The following APBA1 variants were observed in gnomAD, a reference collection of about 807,000 sequenced individuals.
The protein encoded by APBA1 is amyloid beta precursor protein binding family A member 1.
APBA1 carries 55 observed loss-of-function variants against 86.6 expected under a neutral mutation model. The ratio of observed to expected loss-of-function variants is 0.64; its 90% CI spans 0.51 to 0.80. APBA1 has a LOEUF of 0.80. APBA1 is among the 30% of genes least tolerant of loss of function. The pLI is 0.00. For synonymous variants in APBA1, 511 were observed against 493.9 expected (o/e 1.03, Z -0.46); for missense variants, 1,090 against 1,183.0 (o/e 0.92, Z 1.15).
intron 1 of APBA1, among the ~76,000 whole-genome samples, chr9:69,614,336 G>C (rs1822653271): frequency 6.6e-6 from 1 of 152,132 alleles, no homozygotes; most frequent in South Asian, 2.1e-4. Flanking sequence ...TCATCTTGTG[G>C]AGATATTAAA....
chr9:69,663,658 T>A (rs148749823), intron 1 of APBA1, among the ~76,000 whole-genome samples: 102 of 152,318 alleles, frequency 6.7e-4, no homozygotes, highest in African/African-American at 2.0e-3. Flanking sequence ...GCCAATTAAT[T>A]CCATTAGGAA....
chr9:69,476,283 G>A, intron 2 of APBA1, 140 bp from the exon 3 acceptor site: 1 of 598,272 alleles, frequency 1.7e-6, no homozygotes, highest in East Asian at 2.8e-5. Flanking sequence ...CTCTTAAAAA[G>A]GAGCTGCCAA....
At chr9:69,648,735 C>T (rs909224560) in intron 1 of APBA1, among the ~76,000 whole-genome samples, 1 of 152,130 alleles carries the variant, frequency 6.6e-6, no homozygotes, top group African/African-American at 2.4e-5. Flanking sequence ...ATCCATGCCA[C>T]CTTTTTTAAG....
At chr9:69,455,718 C>A (rs1835084384) in intron 8 of APBA1, among the ~76,000 whole-genome samples, 1 of 152,126 alleles carries the variant, frequency 6.6e-6, no homozygotes. Context: ...CCCAAAATGC[C>A]CTCATGCTTG....
chr9:69,503,048 G>A (rs891920452), intron 2 of APBA1, among the ~76,000 whole-genome samples: 2 of 152,056 alleles, frequency 1.3e-5, no homozygotes, highest in Admixed American at 6.5e-5. Flanking sequence ...CACAAACACC[G>A]CAGGAAATTA....
At chr9:69,461,467 C>T (rs552560556) in intron 5 of APBA1, 1 of 152,292 alleles carries the variant, frequency 6.6e-6, no homozygotes, top group Admixed American at 6.5e-5. Flanking sequence ...TTACTGAGAA[C>T]TTGCTATGTG....
At chr9:69,509,215 C>G (rs1835988933) in intron 2 of APBA1, among the ~76,000 whole-genome samples, 1 of 151,896 alleles carries the variant, frequency 6.6e-6, no homozygotes, top group African/African-American at 2.4e-5. Context: ...CAAATAGACA[C>G]AATAAAAAAT....
At chr9:69,541,152 T>G (rs1836602837) in intron 1 of APBA1, among the ~76,000 whole-genome samples, 1 of 152,216 alleles carries the variant, frequency 6.6e-6, no homozygotes, top group African/African-American at 2.4e-5. Context: ...CGATAAATGT[T>G]TTGCAAATAT....
chr9:69,513,937 C>A (rs1836092230), intron 2 of APBA1, among the ~76,000 whole-genome samples: 1 of 152,110 alleles, frequency 6.6e-6, no homozygotes, highest in African/African-American at 2.4e-5. Context: ...AGCTCTTGAC[C>A]CTTATCTTAC....
chr9:69,523,110 G>A (rs1258610375), intron 1 of APBA1, among the ~76,000 whole-genome samples: 3 of 152,120 alleles, frequency 2.0e-5, no homozygotes, highest in African/African-American at 7.2e-5. Flanking sequence ...GCACCATTTA[G>A]AAATAGAATA....
chr9:69,528,315 C>A (rs1836374084), intron 1 of APBA1, among the ~76,000 whole-genome samples: 1 of 152,074 alleles, frequency 6.6e-6, no homozygotes, highest in Non-Finnish European at 1.5e-5. Flanking sequence ...CTGATCACAG[C>A]CCAGCCTTTG....
chr9:69,552,169 C>T (rs1358182571), intron 1 of APBA1, among the ~76,000 whole-genome samples: 2 of 152,156 alleles, frequency 1.3e-5, no homozygotes, highest in African/African-American at 4.8e-5. Flanking sequence ...AATTTTCAGC[C>T]ATCATGAGGA....
At chr9:69,486,346 G>C (rs1835609686) in intron 2 of APBA1, among the ~76,000 whole-genome samples, 1 of 152,070 alleles carries the variant, frequency 6.6e-6, no homozygotes, top group South Asian at 2.1e-4. Context: ...GAACTTTCAG[G>C]CTGTTTGAAG....
At chr9:69,431,425 G>A in intron 12 of APBA1, 27 bp from the exon 13 acceptor site, 1 of 1,605,142 alleles carries the variant, frequency 6.2e-7, no homozygotes, top group Non-Finnish European at 8.5e-7. Context: ...CACTTTAGTG[G>A]GGGGCTGAGG....
chr9:69,516,588 T>A lies in APBA1; in HGVS notation c.623A>T (p.Asp208Val). The A allele has an allele frequency of 6.2e-7, 1 of 1,603,216 alleles. No homozygotes were observed. Among genetic ancestry groups the A allele is most frequent in the South Asian group, 1.1e-5 (1 of 90,894 alleles). Residue 208 changes from aspartate to valine, a missense_variant, in exon 2 of 13, where the codon GAC becomes GTC. By Grantham distance (152) the Asp-to-Val change is radical (BLOSUM62 -3). Around this residue, in one of 6 missense-constraint regions of APBA1, gnomAD observed 678 missense variants for 647.1 expected, o/e 1.05. Coordinates refer to ENST00000265381, the MANE Select transcript of APBA1 (RefSeq NM_001163.4). This position sits in a 1 kb window ranked among gnomAD's most constrained non-coding sequence, Gnocchi z 7.3. ...YEEIGDAPEL[D>V]ARDGLRLYEQ... ...GTAGAGCCGCAGGCCGTCGCGTGCG[T>A]CCAGCTCGGGCGCGTCCCCTATCTC...
intron 1 of APBA1, among the ~76,000 whole-genome samples, chr9:69,590,035 C>T (rs1384810477): frequency 6.6e-6 from 1 of 152,150 alleles, no homozygotes; most frequent in Non-Finnish European, 1.5e-5. Context: ...CAAAACTCAC[C>T]CTTGCCAGTC....
chr9:69,509,196 G>A (rs1434763456), intron 2 of APBA1, among the ~76,000 whole-genome samples: 2 of 152,152 alleles, frequency 1.3e-5, no homozygotes. Context: ...GAAAAAAAGA[G>A]AGAGGAATCA....
chr9:69,525,186 C>T (rs1422158842), intron 1 of APBA1, among the ~76,000 whole-genome samples: 1 of 152,122 alleles, frequency 6.6e-6, no homozygotes, highest in African/African-American at 2.4e-5. Context: ...CAAGGATGCC[C>T]ACCGTCATCA....
intron 1 of APBA1, among the ~76,000 whole-genome samples, chr9:69,582,087 C>T (rs1821923007): frequency 6.6e-6 from 1 of 152,160 alleles, no homozygotes; most frequent in African/African-American, 2.4e-5. Context: ...AAGTTATTTA[C>T]ACAAATTTAT....
Sources: gnomAD v4.1 joint callset for allele counts (sites outside exome capture counted in the v4.1 genomes callset) on GRCh38, gnomAD v4.1.1 for gene constraint, gnomAD v4.1.1 regional missense constraint, Gnocchi (gnomAD v3.1) non-coding constraint, MANE v1.5 for transcripts, NCBI Gene and HGNC (gene_info 2026-07-23, HGNC 2026-07-21) for gene names.